The following ADCY2 variants were observed in gnomAD, a reference collection of about 807,000 sequenced individuals.
ADCY2 encodes adenylate cyclase 2, also known as adenylate cyclase type 2.
Under a neutral mutation model 125.2 loss-of-function variants are expected in ADCY2, and 31 were observed. That is an observed-to-expected ratio of 0.25 (90% CI 0.19 to 0.33). The LOEUF (loss-of-function observed/expected upper bound fraction) is 0.33. ADCY2 is among the 10% of genes least tolerant of loss of function. ADCY2 has a pLI of 1.00. For missense variants in ADCY2, 904 were observed against 1,418.2 expected, an observed-to-expected ratio of 0.64 and a Z score of 5.82; for synonymous variants, 512 against 548.4, an observed-to-expected ratio of 0.93 and a Z score of 0.93.
At chr5:7,799,907 G>C in intron 20 of ADCY2, 1 of 152,164 alleles carries the variant, frequency 6.6e-6, no homozygotes, top group Non-Finnish European at 1.5e-5. Context: ...CATCAGTTCA[G>C]TCTTGCATTT....
At chr5:7,440,686 A>G (rs1375531756) in intron 2 of ADCY2, among the ~76,000 whole-genome samples, 1 of 152,332 alleles carries the variant, frequency 6.6e-6, no homozygotes, top group South Asian at 2.1e-4. Context: ...GTGATCCTTC[A>G]TGGTGAGAAA....
At chr5:7,486,280 A>C (rs1742922389) in intron 2 of ADCY2, among the ~76,000 whole-genome samples, 1 of 152,242 alleles carries the variant, frequency 6.6e-6, no homozygotes, top group African/African-American at 2.4e-5. Context: ...ATGGGCACAC[A>C]AATGTACATA....
chr5:7,729,488 A>G (rs1742031140), intron 14 of ADCY2, among the ~76,000 whole-genome samples: 1 of 151,708 alleles, frequency 6.6e-6, no homozygotes, highest in African/African-American at 2.4e-5. Flanking sequence ...TTTATAATTG[A>G]TGTGCGTGGA....
chr5:7,550,882 G>A (rs1735308483), intron 3 of ADCY2, among the ~76,000 whole-genome samples: 1 of 152,200 alleles, frequency 6.6e-6, no homozygotes. Context: ...ACACTCCATG[G>A]CATTCTCTCT....
intron 2 of ADCY2, among the ~76,000 whole-genome samples, chr5:7,447,384 C>T (rs762583416): frequency 4.6e-5 from 7 of 152,168 alleles, no homozygotes; most frequent in African/African-American, 7.2e-5. Flanking sequence ...CAGTGGGCAT[C>T]ATCCTGGCAG....
chr5:7,780,751 G>C (rs1743894615), intron 18 of ADCY2, among the ~76,000 whole-genome samples: 1 of 149,742 alleles, frequency 6.7e-6, no homozygotes, highest in African/African-American at 2.4e-5. Context: ...TATGTGCCTG[G>C]ACTGCTTTCC....
chr5:7,704,690 T>C (rs976695533), intron 7 of ADCY2, among the ~76,000 whole-genome samples: 1 of 151,994 alleles, frequency 6.6e-6, no homozygotes, highest in Non-Finnish European at 1.5e-5. Context: ...CCATCCTAGC[T>C]GACACGCTGA....
rs181014676 is a variant in ADCY2 at position 7,414,255 on chromosome 5, T to A, written c.211-318T>A. ...GGGAGAGAAGTTGGTTGTCTTATTT[T>A]CTCCTGGCATTAATGTGTTCTTACA... On this transcript the variant is annotated intron_variant, in intron 1 of 24. Coordinates refer to ENST00000338316, the MANE Select transcript of ADCY2 (RefSeq NM_020546.3). Among the ~76,000 whole-genome samples, 615 of 152,362 alleles carry A rather than the reference T, an allele frequency of 4.0e-3. 2 individuals carry two copies. The highest frequency in any genetic ancestry group is 0.024 in the Middle Eastern group (7 of 294).
chr5:7,749,999 T>G (rs1174131617), intron 15 of ADCY2, among the ~76,000 whole-genome samples: 1 of 152,210 alleles, frequency 6.6e-6, no homozygotes, highest in African/African-American at 2.4e-5. Flanking sequence ...CAGCTTTTCC[T>G]TGTCAATGAA....
intron 15 of ADCY2, among the ~76,000 whole-genome samples, 198 bp downstream of exon 15, chr5:7,743,950 G>T (rs1013509768): frequency 1.3e-5 from 2 of 152,088 alleles, no homozygotes; most frequent in Non-Finnish European, 2.9e-5. Flanking sequence ...ACCAAGACAC[G>T]AATATGAAGA....
At chr5:7,577,655 G>A (rs1004253106) in intron 3 of ADCY2, among the ~76,000 whole-genome samples, 3 of 151,978 alleles carry the variant, frequency 2.0e-5, no homozygotes, top group South Asian at 2.1e-4. Flanking sequence ...TGCGTATGCC[G>A]TGTCCCCTAG....
At chr5:7,528,742 G>T (rs796416207) in intron 3 of ADCY2, among the ~76,000 whole-genome samples, 3 of 152,276 alleles carry the variant, frequency 2.0e-5, no homozygotes, top group African/African-American at 7.2e-5. Flanking sequence ...TGGCATCTTG[G>T]CAGTGATTTT....
intron 4 of ADCY2, among the ~76,000 whole-genome samples, chr5:7,663,832 A>G (rs1739620450): frequency 1.3e-5 from 2 of 152,198 alleles, no homozygotes; most frequent in African/African-American, 4.8e-5. Flanking sequence ...AGTTTTGCAT[A>G]GCTCAGAACT....
At chr5:7,502,197 C>T (rs2126505581) in intron 2 of ADCY2, among the ~76,000 whole-genome samples, 1 of 152,298 alleles carries the variant, frequency 6.6e-6, no homozygotes. Flanking sequence ...AAACCACACA[C>T]ACCAAATGCA....
In ADCY2 at chr5:7,414,870, A is replaced by G. The variant is rs1739875902; in HGVS notation, c.408+100A>G. 8 of 977,088 alleles carry G rather than the reference A, an allele frequency of 8.2e-6. 1 individual carries two copies. In the East Asian group the frequency reaches 1.7e-4, roughly 20 times the overall value. The allele number at this position is 977,088 out of a possible 1,614,324, so 60.5% of individuals were successfully genotyped here. A position where few individuals can be genotyped will look rare whatever the true frequency, so the allele number is the denominator to read the frequency against. On this transcript the variant is annotated intron_variant, in intron 2 of 24. Transcript: ENST00000338316. The stretch of plus-strand genomic sequence containing the variant: ...GCCTTAAACTTTGAAGAGGAGTCCT[A>G]TAACTGAGAGCAGAGTCTATTTTTT...
intron 14 of ADCY2, among the ~76,000 whole-genome samples, chr5:7,735,637 T>A (rs1017877871): frequency 1.3e-5 from 2 of 152,256 alleles, no homozygotes; most frequent in African/African-American, 4.8e-5. Flanking sequence ...TGACTGATAT[T>A]CAGATATTAA....
chr5:7,742,837 G>T (rs1481211003), intron 14 of ADCY2, among the ~76,000 whole-genome samples: 2 of 152,076 alleles, frequency 1.3e-5, no homozygotes, highest in Non-Finnish European at 2.9e-5. Context: ...CAACCTCATT[G>T]GCATGAGGTT....
rs551334520 is a variant in ADCY2, at chr5:7,452,800, G to A, written c.408+38030G>A. Among the ~76,000 whole-genome samples the A allele has an allele frequency of 3.6e-4, 55 of 152,298 alleles. 1 individual carries two copies. The South Asian group carries it at 0.011, about 30-fold the overall frequency. Reference sequence around the variant, plus strand: ...TTTTTAATAATGACTATTCTGGTTAGGGTAATGTGGTATCTCATTGTGGCT... The same window carrying A: ...TTTTTAATAATGACTATTCTGGTTAAGGTAATGTGGTATCTCATTGTGGCT... On this transcript the variant is annotated intron_variant, in intron 2 of 24. Coordinates refer to ENST00000338316, the MANE Select transcript of ADCY2 (RefSeq NM_020546.3).
chr5:7,654,822 G>A (rs1739264867), intron 4 of ADCY2, among the ~76,000 whole-genome samples: 1 of 152,156 alleles, frequency 6.6e-6, no homozygotes, highest in African/African-American at 2.4e-5. Context: ...CAATAGTAAG[G>A]GGAAGCAGCC....
Sources: allele counts gnomAD v4.1 joint callset (sites outside exome capture counted in the v4.1 genomes callset), GRCh38; gene constraint gnomAD v4.1.1; transcripts MANE v1.5; gene names NCBI Gene and HGNC (gene_info 2026-07-23, HGNC 2026-07-21).